The following AGAP1 variants were observed in gnomAD, a reference collection of about 807,000 sequenced individuals.
AGAP1 encodes the protein arf-GAP with GTPase, ANK repeat and PH domain-containing protein 1.
Under a neutral mutation model 105.3 loss-of-function variants are expected in AGAP1, and 29 were observed. The observed-to-expected ratio is 0.28, with a 90% CI of 0.21 to 0.38. The LOEUF is 0.38. AGAP1 is among the 10% of genes least tolerant of loss of function. The probability of loss-of-function intolerance (pLI) is 1.00; values close to 1 mark genes in which losing one functional copy is unlikely to be tolerated. For missense variants in AGAP1, 998 were observed against 1,165.1 expected, an observed-to-expected ratio of 0.86 and a Z score of 2.09; for synonymous variants, 509 against 485.9, an observed-to-expected ratio of 1.05 and a Z score of -0.63.
chr2:235,923,016 G>GGC (rs1378345391), intron 11 of AGAP1, among the ~76,000 whole-genome samples: 12 of 152,216 alleles, frequency 7.9e-5, no homozygotes, highest in African/African-American at 2.9e-4. Flanking sequence ...CAAGGAAGTG[G>GGC]CGCAGCGAGG....
At chr2:235,935,978 G>A (rs987720934) in intron 12 of AGAP1, among the ~76,000 whole-genome samples, 9 of 152,136 alleles carry the variant, frequency 5.9e-5, no homozygotes, top group East Asian at 1.9e-4. Context: ...AGCCTGGCCC[G>A]GCCCTCCCCG....
Position 235,566,698 on chromosome 2 carries a change from A to T in AGAP1, c.163+71849A>T. ...GGAGAGGCTGTTCGAGGAACACAGGATGCATATTCAGGCAGGAAGTTGTTG... is the reference window on the plus strand; with the variant it reads ...GGAGAGGCTGTTCGAGGAACACAGGTTGCATATTCAGGCAGGAAGTTGTTG... On this transcript the variant is annotated intron_variant, in intron 1 of 17. Transcript: ENST00000304032. The surrounding 1 kb of genome is among the most constrained non-coding windows in gnomAD (Gnocchi z 5.2). The T allele has an allele frequency of 1.3e-6, 1 of 745,882 alleles. No individual in the cohort carries two copies. The highest frequency in any genetic ancestry group is 1.6e-6 in the Non-Finnish European group (1 of 611,372). 46.2% of individuals were successfully genotyped at this position (745,882 alleles called of 1,614,324 possible).
At chr2:236,029,383 C>T (rs1273719829) in intron 13 of AGAP1, among the ~76,000 whole-genome samples, 1 of 151,268 alleles carries the variant, frequency 6.6e-6, no homozygotes, top group Non-Finnish European at 1.5e-5. Flanking sequence ...TCAAGTGATT[C>T]TCCTGCCTCA....
At chr2:235,995,032 C>A (rs2055740502) in intron 13 of AGAP1, among the ~76,000 whole-genome samples, 1 of 121,208 alleles carries the variant, frequency 8.3e-6, no homozygotes, top group South Asian at 2.8e-4. Flanking sequence ...GCGCCTTGCA[C>A]TCCAACCAGG....
Position 235,709,176 on chromosome 2 carries a change from C to A in AGAP1, c.164-3C>A. Reference sequence around the variant, plus strand: ...TCTGACTTTGTGTCCTCCTCTTTTTCAGATGCCTTCGTGAACAGCCAGGAA... The same window carrying A: ...TCTGACTTTGTGTCCTCCTCTTTTTAAGATGCCTTCGTGAACAGCCAGGAA... On this transcript the variant is annotated splice_polypyrimidine_tract_variant and splice_region_variant and intron_variant, in intron 1 of 17. Transcript: ENST00000304032. 6.2e-7 allele frequency: 1 copy of A among 1,614,072 alleles called. No individual in the cohort carries two copies. The highest frequency in any genetic ancestry group is 1.1e-5 in the South Asian group (1 of 91,076).
rs574825426 is a variant in AGAP1, at chr2:235,587,849, G to C, written c.163+93000G>C. ...GGAGCTAACACTCAGCCCCACAGGG[G>C]TCTCCAGGTCCTGCTGCTCCTTCCA... On this transcript the variant is annotated intron_variant, in intron 1 of 17. Transcript: ENST00000304032. Among the ~76,000 whole-genome samples, 7 of 152,248 alleles carry C rather than the reference G, an allele frequency of 4.6e-5. No homozygotes were observed. In the South Asian group the frequency reaches 1.5e-3, roughly 32 times the overall value.
chr2:235,718,330 A>G (rs1951221561), intron 3 of AGAP1: 2 of 976,790 alleles, frequency 2.0e-6, no homozygotes, highest in South Asian at 4.7e-5. Flanking sequence ...ACTCTGAGAC[A>G]CTGAATTTCT....
At chr2:235,544,378 T>C (rs1447569699) in intron 1 of AGAP1, among the ~76,000 whole-genome samples, 2 of 152,166 alleles carry the variant, frequency 1.3e-5, no homozygotes, top group African/African-American at 4.8e-5. Context: ...GGGACTGGCT[T>C]TCTTCCTCTG....
rs939011438 is a variant in AGAP1 at position 236,009,378 on chromosome 2, C to T, written c.1646-27183C>T. 4.0e-5 allele frequency among the ~76,000 whole-genome samples: 6 copies of T among 151,782 alleles called. No individual in the cohort carries two copies. Among genetic ancestry groups the T allele is most frequent in the Admixed American group, 2.0e-4 (3 of 15,266 alleles). ...CACAGCAGAATCCGCTCACACCTGC[C>T]GAGGTTCCTGGGGGATGATCTTTGT... On this transcript the variant is annotated intron_variant, in intron 13 of 17. Transcript: ENST00000304032. The surrounding 1 kb of genome is among the most constrained non-coding windows in gnomAD (Gnocchi z 4.2).
In AGAP1 at chr2:235,734,252, CT is replaced by C. The variant is rs1952111628; in HGVS notation, c.311-6710del. 6.6e-6 allele frequency among the ~76,000 whole-genome samples: 1 copy of C among 152,068 alleles called. No homozygotes were observed. Among genetic ancestry groups the C allele is most frequent in the South Asian group, 2.1e-4 (1 of 4,822 alleles). On this transcript the variant is annotated intron_variant, in intron 3 of 17. Coordinates refer to ENST00000304032, the MANE Select transcript of AGAP1 (RefSeq NM_001037131.3). The surrounding 1 kb of genome is among the most constrained non-coding windows in gnomAD (Gnocchi z 5.3). ...TAGATGAATTTTGAAAATGTTTTTC[CT>C]GGAAGAGAATCCCAAACGTGTGGCC...
chr2:235,671,636 C>T (rs1305477694), intron 1 of AGAP1, among the ~76,000 whole-genome samples: 1 of 152,134 alleles, frequency 6.6e-6, no homozygotes, highest in Non-Finnish European at 1.5e-5. Context: ...GGACGGAGGC[C>T]CCTCTCTCCA....
At chr2:235,861,392 G>A (rs2048921759) in intron 9 of AGAP1, among the ~76,000 whole-genome samples, 1 of 152,114 alleles carries the variant, frequency 6.6e-6, no homozygotes, top group East Asian at 1.9e-4. Flanking sequence ...TTTTGCAACT[G>A]GTAAAGGTGT....
At chr2:235,844,325 G>A (rs1961213320) in intron 9 of AGAP1, among the ~76,000 whole-genome samples, 1 of 152,156 alleles carries the variant, frequency 6.6e-6, no homozygotes, top group South Asian at 2.1e-4. Flanking sequence ...GAACAGGGAG[G>A]GCAGCTCCCA....
intron 3 of AGAP1, among the ~76,000 whole-genome samples, chr2:235,738,836 G>T (rs867461745): frequency 1.3e-5 from 2 of 152,232 alleles, no homozygotes; most frequent in Middle Eastern, 3.4e-3. Context: ...GGGATTACAG[G>T]TGTGAGCCAC....
intron 16 of AGAP1, among the ~76,000 whole-genome samples, chr2:236,079,220 GATACTGTGACCC>G (rs1301883484): frequency 6.7e-6 from 1 of 148,418 alleles, no homozygotes; most frequent in Non-Finnish European, 1.5e-5. Flanking sequence ...AAAATTGCTT[GATACTGTGACCC>G]ATGCTGGCCA....
At chr2:235,603,105 T>TG (rs898271510) in intron 1 of AGAP1, among the ~76,000 whole-genome samples, 10 of 152,156 alleles carry the variant, frequency 6.6e-5, no homozygotes, top group African/African-American at 2.4e-4. Flanking sequence ...AGGGACCCAG[T>TG]GGGGGATAAT....
At chr2:235,595,441 C>T (rs1442769026) in intron 1 of AGAP1, among the ~76,000 whole-genome samples, 1 of 152,224 alleles carries the variant, frequency 6.6e-6, no homozygotes, top group African/African-American at 2.4e-5. Context: ...ACTCCTGGGC[C>T]TGCTGCTGCC....
chr2:236,058,053 G>C lies in AGAP1; in HGVS notation c.2114+8772G>C, dbSNP rs1040056744. On this transcript the variant is annotated intron_variant, in intron 16 of 17. Transcript: ENST00000304032. This position sits in a 1 kb window ranked among gnomAD's most constrained non-coding sequence, Gnocchi z 4.6. ...TTGCAGCATCAGTATCACATGGAAA[G>C]GTATATTCTTGAGCCCCACCCAAGC... 2.4e-4 allele frequency among the ~76,000 whole-genome samples: 36 copies of C among 152,132 alleles called. 1 individual carries two copies. Among genetic ancestry groups the C allele is most frequent in the African/African-American group, 8.0e-4 (33 of 41,428 alleles).
At chr2:235,717,817 C>T (rs909807430) in intron 3 of AGAP1, among the ~76,000 whole-genome samples, 173 bp downstream of exon 3, 5 of 152,140 alleles carry the variant, frequency 3.3e-5, no homozygotes, top group Non-Finnish European at 7.4e-5. Context: ...TTAGCAAACC[C>T]GTTATATTCA....
Sources: allele counts gnomAD v4.1 joint callset (sites outside exome capture counted in the v4.1 genomes callset), GRCh38; gene constraint gnomAD v4.1.1; non-coding constraint Gnocchi (gnomAD v3.1); transcripts MANE v1.5; gene names NCBI Gene and HGNC (gene_info 2026-07-23, HGNC 2026-07-21).